CELF2: variants seen among roughly 807,000 people sequenced by gnomAD.
CELF2 encodes CUGBP Elav-like family member 2.
CELF2 carries 8 observed loss-of-function variants against 62.6 expected under a neutral mutation model. The observed-to-expected ratio is 0.13, with a 90% CI of 0.07 to 0.23. The LOEUF (loss-of-function observed/expected upper bound fraction) is 0.23, where lower values mean the gene tolerates loss of function less well. Among genes scored for constraint, CELF2 ranks in the 10% least tolerant of loss-of-function variants. The pLI is 1.00. For missense variants in CELF2, 333 were observed against 671.0 expected (o/e 0.50, Z 5.56); for synonymous variants, 258 against 250.0 (o/e 1.03, Z -0.30).
the CELF2 span, among the ~76,000 whole-genome samples, chr10:10,699,673 T>C: frequency 1.3e-5 from 2 of 152,068 alleles, no homozygotes; most frequent in African/African-American, 4.8e-5. Flanking sequence ...GGCTTGTACA[T>C]TTGAGGAACT....
At chr10:11,219,286 C>A (rs2135985757) in intron 3 of CELF2, among the ~76,000 whole-genome samples, 1 of 152,314 alleles carries the variant, frequency 6.6e-6, no homozygotes, top group East Asian at 1.9e-4. Flanking sequence ...ATGAAAGCGA[C>A]TTATGAGTAT....
At chr10:11,323,482 T>A (rs764146567) in intron 11 of CELF2, among the ~76,000 whole-genome samples, 1 of 150,326 alleles carries the variant, frequency 6.7e-6, no homozygotes, top group Non-Finnish European at 1.5e-5. Flanking sequence ...GATTTTCTAC[T>A]CCACAGTTCA....
the CELF2 span, among the ~76,000 whole-genome samples, chr10:10,707,835 T>C: frequency 6.6e-6 from 1 of 152,206 alleles, no homozygotes; most frequent in Non-Finnish European, 1.5e-5. Flanking sequence ...CAACTATTAC[T>C]AAGCCTCTAA....
chr10:11,234,077 G>A lies in CELF2; in HGVS notation c.355-15076G>A, dbSNP rs147228179. Among the ~76,000 whole-genome samples the A allele has an allele frequency of 2.7e-3, 416 of 152,310 alleles. 3 individuals are homozygous for A. Among genetic ancestry groups the A allele is most frequent in the African/African-American group, 9.4e-3 (389 of 41,552 alleles). On this transcript the variant is annotated intron_variant, in intron 3 of 12. Transcript: ENST00000633077. The stretch of plus-strand genomic sequence containing the variant: ...CAGCTTCTGGGACATTTTTGCTCAT[G>A]TGCTGTGTCCCAGCTGTATGATACG...
At chr10:10,940,540 A>G (rs2046939543) in intron 2 of CELF2, among the ~76,000 whole-genome samples, 1 of 152,194 alleles carries the variant, frequency 6.6e-6, no homozygotes, top group African/African-American at 2.4e-5. Flanking sequence ...GTGTCACACA[A>G]ATGGCTTTGT....
At chr10:11,209,038 A>G (rs1473733825) in intron 2 of CELF2, among the ~76,000 whole-genome samples, 1 of 152,172 alleles carries the variant, frequency 6.6e-6, no homozygotes, top group African/African-American at 2.4e-5. Flanking sequence ...CAACACAGAT[A>G]TGTCTGATCT....
intron 1 of CELF2, among the ~76,000 whole-genome samples, chr10:10,859,023 C>G (rs2059911493): frequency 2.0e-5 from 3 of 152,068 alleles, no homozygotes; most frequent in Non-Finnish European, 2.9e-5. Context: ...AAATATTTTT[C>G]TTTGAAGGAC....
intron 2 of CELF2, among the ~76,000 whole-genome samples, chr10:10,994,955 C>T (rs982889385): frequency 3.3e-5 from 5 of 152,288 alleles, no homozygotes; most frequent in Middle Eastern, 3.4e-3. Context: ...AGTGAAGGCA[C>T]ACCCTTCAAG....
In CELF2 at chr10:11,217,639, A is replaced by G. The variant is rs2135940266; in HGVS notation, c.354+132A>G. On this transcript the variant is annotated intron_variant, in intron 3 of 12. Coordinates refer to ENST00000633077, the MANE Select transcript of CELF2 (RefSeq NM_001326342.2). This position sits in a 1 kb window ranked among gnomAD's most constrained non-coding sequence, Gnocchi z 5.6. ...TTTGAGGAGTGTGTGCTGACCCCCC[A>G]GTTCCCTGCAGCAGCCACACCAGCT... The G allele has an allele frequency of 1.7e-6, 1 of 579,412 alleles. No homozygotes were observed. Among genetic ancestry groups the G allele is most frequent in the East Asian group, 3.1e-5 (1 of 32,272 alleles). 35.9% of individuals were successfully genotyped at this position (579,412 alleles called of 1,614,324 possible). A position where few individuals can be genotyped will look rare whatever the true frequency, so the allele number is the denominator to read the frequency against.
At chr10:10,942,121 A>T (rs761539497) in intron 2 of CELF2, among the ~76,000 whole-genome samples, 33 of 152,150 alleles carry the variant, frequency 2.2e-4, no homozygotes, top group Non-Finnish European at 4.0e-4. Flanking sequence ...GGAAAAAAAA[A>T]ATTGTCTTGG....
chr10:10,967,204 G>A (rs1434285442), intron 2 of CELF2, among the ~76,000 whole-genome samples: 1 of 152,154 alleles, frequency 6.6e-6, no homozygotes, highest in Non-Finnish European at 1.5e-5. Flanking sequence ...GGTGACAGCT[G>A]GGCATTTGCT....
rs1484107636 is a variant in CELF2 at position 11,110,611 on chromosome 10, G to C, written c.75-54875G>C. Reference sequence around the variant, plus strand: ...AGAGGAGAAGAGAGGAGGAGGCCTGGGTGGCATTTTGTTTGCTGTTTGGTG... The same window carrying C: ...AGAGGAGAAGAGAGGAGGAGGCCTGCGTGGCATTTTGTTTGCTGTTTGGTG... On this transcript the variant is annotated intron_variant, in intron 1 of 12. Coordinates refer to ENST00000633077, the MANE Select transcript of CELF2 (RefSeq NM_001326342.2). This position sits in a 1 kb window ranked among gnomAD's most constrained non-coding sequence, Gnocchi z 4.0. Among the ~76,000 whole-genome samples, 2 of 152,188 alleles carry C rather than the reference G, an allele frequency of 1.3e-5. No homozygotes were observed. The highest frequency in any genetic ancestry group is 4.8e-5 in the African/African-American group (2 of 41,426).
chr10:10,478,134 G>C, the CELF2 span, among the ~76,000 whole-genome samples: 1 of 152,112 alleles, frequency 6.6e-6, no homozygotes, highest in African/African-American at 2.4e-5. Context: ...GCTATCTTTT[G>C]TCTGAGAAAA....
At chr10:11,277,071 T>C (rs1340695268) in intron 8 of CELF2, among the ~76,000 whole-genome samples, 4 of 152,058 alleles carry the variant, frequency 2.6e-5, no homozygotes, top group Admixed American at 6.6e-5. Flanking sequence ...GTATTCAGAG[T>C]ATTTGGAATA....
chr10:11,068,112 T>A (rs2068659749), intron 1 of CELF2, among the ~76,000 whole-genome samples: 1 of 152,190 alleles, frequency 6.6e-6, no homozygotes, highest in Non-Finnish European at 1.5e-5. Context: ...TTTAGACTCA[T>A]TTTCCCAGGT....
At chr10:11,093,408 T>G (rs2048873182) in intron 1 of CELF2, among the ~76,000 whole-genome samples, 1 of 152,290 alleles carries the variant, frequency 6.6e-6, no homozygotes, top group East Asian at 1.9e-4. Context: ...TAATAAAAAT[T>G]TTAATTTATT....
At chr10:10,651,252 G>A in the CELF2 span, among the ~76,000 whole-genome samples, 3 of 133,914 alleles carry the variant, frequency 2.2e-5, no homozygotes, top group South Asian at 3.2e-4. Context: ...TGCTAGCACA[G>A]CAGTATGAGA....
chr10:11,239,502 T>G (rs1204584378), intron 3 of CELF2, among the ~76,000 whole-genome samples: 2 of 152,200 alleles, frequency 1.3e-5, no homozygotes, highest in African/African-American at 4.8e-5. Flanking sequence ...TCCTATACTT[T>G]GCAAAATAAT....
chr10:10,763,131 T>C, the CELF2 span, among the ~76,000 whole-genome samples: 1 of 152,182 alleles, frequency 6.6e-6, no homozygotes, highest in Non-Finnish European at 1.5e-5. Flanking sequence ...TGCTTGACTT[T>C]TGGAACTTGG....
Sources: allele counts gnomAD v4.1 joint callset (sites outside exome capture counted in the v4.1 genomes callset), GRCh38; gene constraint gnomAD v4.1.1; non-coding constraint Gnocchi (gnomAD v3.1); transcripts MANE v1.5; gene names NCBI Gene and HGNC (gene_info 2026-07-23, HGNC 2026-07-21).